ZNF469: variants seen among roughly 807,000 people sequenced by gnomAD.
ZNF469 encodes the protein zinc finger protein 469.
Under a neutral mutation model 1.0 loss-of-function variants are expected in ZNF469, and 1 was observed. That is an observed-to-expected ratio of 1.00 (90% CI 0.35 to 4.73). ZNF469 has a LOEUF of 4.73. Ranked by LOEUF, ZNF469 falls within the 30% of genes most tolerant of loss-of-function variation. ZNF469 has a pLI of 0.16. For synonymous variants in ZNF469, 2,703 were observed against 2,363.4 expected (o/e 1.14, Z -4.17); for missense variants, 6,100 against 5,356.3 (o/e 1.14, Z -4.33).
At chr16:88,380,841 C>G (rs938077472), upstream of ZNF469, among the ~76,000 whole-genome samples, 1 of 150,516 alleles carries the variant, frequency 6.6e-6, no homozygotes. Context: ...CGCACTCACA[C>G]AGACATGCAC....
chr16:88,130,681 G>A, the ZNF469 span, among the ~76,000 whole-genome samples: 163 of 146,436 alleles, frequency 1.1e-3, no homozygotes, highest in South Asian at 0.025. Flanking sequence ...ACTCCAGCCT[G>A]GGCCACAAGA....
At chr16:88,156,822 C>A in the ZNF469 span, among the ~76,000 whole-genome samples, 6 of 152,082 alleles carry the variant, frequency 3.9e-5, no homozygotes, top group African/African-American at 1.2e-4. Flanking sequence ...GGCTTCACCA[C>A]TCCCAGCCCT....
At chr16:88,325,960 C>G in the ZNF469 span, among the ~76,000 whole-genome samples, 1 of 152,264 alleles carries the variant, frequency 6.6e-6, no homozygotes, top group African/African-American at 2.4e-5. Flanking sequence ...GCTAACAACA[C>G]CTGTCAGTCA....
the ZNF469 span, among the ~76,000 whole-genome samples, chr16:88,160,440 T>C: frequency 6.6e-6 from 1 of 152,212 alleles, no homozygotes; most frequent in Non-Finnish European, 1.5e-5. Context: ...TGGAATGTGC[T>C]TGGGGAGCAA....
the ZNF469 span, among the ~76,000 whole-genome samples, chr16:88,166,521 C>T: frequency 6.6e-6 from 1 of 152,162 alleles, no homozygotes; most frequent in East Asian, 1.9e-4. The surrounding 1 kb of genome is among the most constrained non-coding windows in gnomAD (Gnocchi z 4.5). Context: ...AGACATGGAA[C>T]CCCAGGAAGT....
chr16:88,189,301 A>G, the ZNF469 span, among the ~76,000 whole-genome samples: 1 of 152,258 alleles, frequency 6.6e-6, no homozygotes, highest in African/African-American at 2.4e-5. The surrounding 1 kb of genome is among the most constrained non-coding windows in gnomAD (Gnocchi z 4.3). Context: ...TGTTAGCCCC[A>G]CAAAGGAGAA....
chr16:88,375,015 C>T, the ZNF469 span, among the ~76,000 whole-genome samples: 1 of 152,262 alleles, frequency 6.6e-6, no homozygotes, highest in Non-Finnish European at 1.5e-5. Context: ...ACCGCCCAGG[C>T]ACCGAAGCGC....
the ZNF469 span, among the ~76,000 whole-genome samples, chr16:88,269,614 G>A: frequency 6.6e-6 from 1 of 152,204 alleles, no homozygotes; most frequent in African/African-American, 2.4e-5. Context: ...CTCCCACCAT[G>A]TCTGTGTGGC....
the ZNF469 span, among the ~76,000 whole-genome samples, chr16:88,269,286 G>C: frequency 6.6e-6 from 1 of 151,990 alleles, no homozygotes; most frequent in Non-Finnish European, 1.5e-5. Context: ...CTGCACCCAG[G>C]CGGCTTGGCC....
At chr16:88,264,571 C>T in the ZNF469 span, among the ~76,000 whole-genome samples, 5 of 151,328 alleles carry the variant, frequency 3.3e-5, no homozygotes, top group African/African-American at 1.2e-4. Flanking sequence ...CCCCATCTTC[C>T]TCCCACATCC....
At chr16:88,313,228 T>C in the ZNF469 span, among the ~76,000 whole-genome samples, 1 of 152,226 alleles carries the variant, frequency 6.6e-6, no homozygotes, top group African/African-American at 2.4e-5. Context: ...TTATATTTTC[T>C]ATCTAATTAT....
chr16:88,335,381 G>A, the ZNF469 span, among the ~76,000 whole-genome samples: 1 of 152,228 alleles, frequency 6.6e-6, no homozygotes, highest in Admixed American at 6.5e-5. Flanking sequence ...CCACTCCGGG[G>A]TGCTCTGTGG....
At chr16:88,349,398 A>C in the ZNF469 span, among the ~76,000 whole-genome samples, 1 of 150,352 alleles carries the variant, frequency 6.7e-6, no homozygotes, top group African/African-American at 2.5e-5. Context: ...GGGCACACAC[A>C]CCAGGCACCA....
chr16:88,216,737 C>G, the ZNF469 span, among the ~76,000 whole-genome samples: 1 of 152,256 alleles, frequency 6.6e-6, no homozygotes, highest in Non-Finnish European at 1.5e-5. Context: ...TTTTTCATAC[C>G]TTACCTCTTC....
At chr16:88,214,612 G>A in the ZNF469 span, among the ~76,000 whole-genome samples, 751 of 152,088 alleles carry the variant, frequency 4.9e-3, 4 homozygotes, top group Admixed American at 0.01. Flanking sequence ...CCATCAACCC[G>A]TCATCTACAT....
the ZNF469 span, among the ~76,000 whole-genome samples, chr16:88,156,624 T>C: frequency 6.6e-6 from 1 of 152,202 alleles, no homozygotes; most frequent in African/African-American, 2.4e-5. Context: ...ATTACAAGGG[T>C]TGAATGAAAT....
At position 88,396,998 on chromosome 16, in the gene ZNF469, C is replaced by A. The variant is rs530509536; in HGVS notation, c.-192+13744C>A. ...GGAGGAGACCCTCCTGAAGGGAGGC[C>A]GGGAGGAGACCCTCCTGAAGGGAGG... On this transcript the variant is annotated intron_variant, in intron 1 of 2. Transcript: ENST00000565624. Among the ~76,000 whole-genome samples, 9 of 150,034 alleles carry A rather than the reference C, an allele frequency of 6.0e-5. No individual in the cohort carries two copies. In the East Asian group the frequency reaches 1.6e-3, roughly 27 times the overall value.
chr16:88,179,312 G>T, the ZNF469 span, among the ~76,000 whole-genome samples: 1 of 152,176 alleles, frequency 6.6e-6, no homozygotes, highest in Non-Finnish European at 1.5e-5. Context: ...TGCTCAATTA[G>T]TTCCTGCGTG....
the ZNF469 span, among the ~76,000 whole-genome samples, chr16:88,205,884 G>A: frequency 9.2e-5 from 14 of 152,296 alleles, no homozygotes; most frequent in Admixed American, 7.8e-4. This position sits in a 1 kb window ranked among gnomAD's most constrained non-coding sequence, Gnocchi z 4.2. Flanking sequence ...AAGAAAGTCG[G>A]CAATGAGGCC....
Sources: gnomAD v4.1 joint callset for allele counts (sites outside exome capture counted in the v4.1 genomes callset) on GRCh38, gnomAD v4.1.1 for gene constraint, Gnocchi (gnomAD v3.1) non-coding constraint, MANE v1.5 for transcripts, NCBI Gene and HGNC (gene_info 2026-07-23, HGNC 2026-07-21) for gene names.